WDR76: variants seen among roughly 807,000 people sequenced by gnomAD.
WDR76 encodes WD repeat-containing protein 76.
Under a neutral mutation model 70.2 loss-of-function variants are expected in WDR76, and 52 were observed. The ratio of observed to expected loss-of-function variants is 0.74; its 90% CI spans 0.59 to 0.93. The LOEUF (loss-of-function observed/expected upper bound fraction) is 0.93, where lower values mean the gene tolerates loss of function less well. Among genes scored for constraint, WDR76 ranks in the 40% least tolerant of loss-of-function variants. WDR76 has a pLI of 0.00. For missense variants in WDR76, 756 were observed against 760.2 expected, an observed-to-expected ratio of 0.99 and a Z score of 0.07; for synonymous variants, 292 against 271.1, an observed-to-expected ratio of 1.08 and a Z score of -0.76.
chr15:43,827,996 C>G lies in WDR76; in HGVS notation c.92C>G (p.Ala31Gly), dbSNP rs1271819977. 1 of 1,608,050 alleles carries G rather than the reference C, an allele frequency of 6.2e-7. No homozygotes were observed. Among genetic ancestry groups the G allele is most frequent in the East Asian group, 2.2e-5 (1 of 44,852 alleles). The change falls in exon 2 of 13, where the codon GCT becomes GGT. Residue 31 changes from alanine to glycine, a missense_variant. Coordinates refer to ENST00000263795, the MANE Select transcript of WDR76 (RefSeq NM_024908.4). ...GAATATAAAGAAAATCAAAACATCG[C>G]TTATGTGTCTCTGAGACCAGCACAG... ...VNEYKENQNIAYVSLRPAQTT... is the reference protein window; with the variant it reads ...VNEYKENQNIGYVSLRPAQTT...
chr15:43,828,788 ATAATAT>A (rs2087550079), intron 2 of WDR76, among the ~76,000 whole-genome samples: 1 of 152,200 alleles, frequency 6.6e-6, no homozygotes, highest in Non-Finnish European at 1.5e-5. Flanking sequence ...GTTGTGTTGA[ATAATAT>A]TTCCTTTAAA....
At chr15:43,862,263 A>AT (rs2088006959) in intron 12 of WDR76, among the ~76,000 whole-genome samples, 1 of 45,620 alleles carries the variant, frequency 2.2e-5, no homozygotes, top group Non-Finnish European at 5.5e-5. Flanking sequence ...ATTTTGTTCC[A>AT]TTTTATCAGT....
At chr15:43,835,969 T>C (rs2087650556) in intron 3 of WDR76, among the ~76,000 whole-genome samples, 192 bp from the exon 4 acceptor site, 1 of 151,962 alleles carries the variant, frequency 6.6e-6, no homozygotes, top group Non-Finnish European at 1.5e-5. Flanking sequence ...TCTTTTTTTT[T>C]TTTGAGACAG....
chr15:43,835,398 A>G (rs976230283), intron 3 of WDR76, among the ~76,000 whole-genome samples: 7 of 148,392 alleles, frequency 4.7e-5, no homozygotes, highest in African/African-American at 1.7e-4. Context: ...CTGAGGTGGA[A>G]GGATGGCTTG....
chr15:43,861,280 T>C, intron 11 of WDR76, 53 bp from the exon 12 acceptor site: 1 of 1,425,476 alleles, frequency 7.0e-7, no homozygotes, highest in Non-Finnish European at 9.9e-7. Flanking sequence ...CTGATATTTA[T>C]TTCAGAAAGT....
rs978740366 is a variant in WDR76 at position 43,849,292 on chromosome 15, T to A, written c.1033-1795T>A. 2.6e-4 allele frequency among the ~76,000 whole-genome samples: 39 copies of A among 152,204 alleles called. 1 individual carries two copies. The highest frequency in any genetic ancestry group is 1.3e-4 in the Non-Finnish European group (9 of 68,048). Reference sequence around the variant, plus strand: ...AAAGCATAATGACTACAATTGCTTTTTGTTTTATACTTTTGCCATTGTAGA... The same window carrying A: ...AAAGCATAATGACTACAATTGCTTTATGTTTTATACTTTTGCCATTGTAGA... On this transcript the variant is annotated intron_variant, in intron 8 of 12. Coordinates refer to ENST00000263795, the MANE Select transcript of WDR76 (RefSeq NM_024908.4).
chr15:43,866,622 CTTTTT>C lies in WDR76; in HGVS notation c.*247_*251del, dbSNP rs5812253. On this transcript the variant is annotated 3_prime_UTR_variant, in exon 13 of 13. Coordinates refer to ENST00000263795, the MANE Select transcript of WDR76 (RefSeq NM_024908.4). ...AGGGGAGGCTGAGGTGCCGTCAGGA[CTTTTT>C]TTTTTTTTTTTTTTTTGAGATGGAG... 527 of 124,150 alleles carry C rather than the reference CTTTTT, an allele frequency of 4.2e-3. No individual in the cohort carries two copies. Among genetic ancestry groups the C allele is most frequent in the East Asian group, 8.8e-3 (53 of 6,024 alleles). 7.7% of individuals were successfully genotyped at this position (124,150 alleles called of 1,614,324 possible).
chr15:43,830,256 C>G (rs187479430), intron 2 of WDR76, among the ~76,000 whole-genome samples: 21 of 152,002 alleles, frequency 1.4e-4, no homozygotes, highest in Admixed American at 1.4e-3. Context: ...TCCCTTTGGC[C>G]TCTTAGACTG....
At position 43,848,930 on chromosome 15, in the gene WDR76, C is replaced by CTT. The variant is rs534839516; in HGVS notation, c.1033-2140_1033-2139dup. Among the ~76,000 whole-genome samples the CTT allele has an allele frequency of 5.4e-3, 691 of 127,112 alleles. 7 individuals carry two copies. Among genetic ancestry groups the CTT allele is most frequent in the African/African-American group, 0.019 (651 of 34,312 alleles). 83.4% of individuals were successfully genotyped at this position (127,112 alleles called of 152,430 possible). Reference sequence around the variant, plus strand: ...TCCAGCCTGGGCGACAGAGTTGAGACTTTTTTTTTTTTTTTTTTGAGGCCA... The same window carrying CTT: ...TCCAGCCTGGGCGACAGAGTTGAGACTTTTTTTTTTTTTTTTTTTTGAGGCCA... On this transcript the variant is annotated intron_variant, in intron 8 of 12. Coordinates refer to ENST00000263795, the MANE Select transcript of WDR76 (RefSeq NM_024908.4).
chr15:43,847,836 C>T (rs1047336442), intron 8 of WDR76, among the ~76,000 whole-genome samples: 5 of 152,136 alleles, frequency 3.3e-5, no homozygotes, highest in Admixed American at 6.5e-5. Context: ...CGATTACAGG[C>T]GTGAGCCACT....
At chr15:43,840,361 A>G (rs2087709466) in intron 5 of WDR76, among the ~76,000 whole-genome samples, 1 of 152,100 alleles carries the variant, frequency 6.6e-6, no homozygotes, top group South Asian at 2.1e-4. Flanking sequence ...AACCTCAAAG[A>G]GCTACTGTAA....
chr15:43,857,936 T>C (rs2087949271), intron 10 of WDR76, among the ~76,000 whole-genome samples: 1 of 150,132 alleles, frequency 6.7e-6, no homozygotes, highest in South Asian at 2.1e-4. Flanking sequence ...TTGGGGAAAT[T>C]AATAAGAGTA....
intron 9 of WDR76, among the ~76,000 whole-genome samples, chr15:43,854,512 G>GT (rs1433386511): frequency 6.6e-6 from 1 of 152,184 alleles, no homozygotes; most frequent in Non-Finnish European, 1.5e-5. Flanking sequence ...TGAGGCTCCA[G>GT]TAAGCCGAGA....
In WDR76 at chr15:43,866,268, C is replaced by G. The variant is rs781465373; in HGVS notation, c.1757C>G (p.Ser586Trp). 1 of 1,614,052 alleles carries G rather than the reference C, an allele frequency of 6.2e-7. No individual in the cohort carries two copies. Among genetic ancestry groups the G allele is most frequent in the East Asian group, 2.2e-5 (1 of 44,872 alleles). The change falls in exon 13 of 13, where the codon TCG becomes TGG. Residue 586 changes from serine to tryptophan, a missense_variant. By Grantham distance (177) the Ser-to-Trp change is radical (BLOSUM62 -3). Transcript: ENST00000263795. ...CATGAGACAGGAAAGAGGGTGCATT[C>G]GTTTGGTGGAGAATACCTTGTCTCT... Reference protein sequence around the residue: ...IFHETGKRVHSFGGEYLVSVC... With the variant: ...IFHETGKRVHWFGGEYLVSVC...
At chr15:43,861,505 AATT>A in intron 12 of WDR76, 119 bp downstream of exon 12, 2 of 1,018,352 alleles carry the variant, frequency 2.0e-6, no homozygotes, top group African/African-American at 1.6e-5. Context: ...TGAATACAAA[AATT>A]ATAAGTGTCC....
chr15:43,851,824 A>T (rs1440661183), intron 9 of WDR76, among the ~76,000 whole-genome samples: 1 of 152,210 alleles, frequency 6.6e-6, no homozygotes, highest in South Asian at 2.1e-4. Flanking sequence ...AGTCTCAGCT[A>T]CTCAGGAGGC....
At position 43,860,080 on chromosome 15, in the gene WDR76, G is replaced by T. The variant is rs187081277; in HGVS notation, c.1563-1253G>T. Among the ~76,000 whole-genome samples the T allele has an allele frequency of 9.9e-5, 15 of 152,196 alleles. No homozygotes were observed. The East Asian group carries it at 2.3e-3, about 24-fold the overall frequency. On this transcript the variant is annotated intron_variant, in intron 11 of 12. Coordinates refer to ENST00000263795, the MANE Select transcript of WDR76 (RefSeq NM_024908.4). ...AGCCTGGGCACCAAGGAGAGACCCT[G>T]TCTCTACAGAAAAAATTAGCCAGAT...
intron 5 of WDR76, among the ~76,000 whole-genome samples, chr15:43,840,971 CCA>C (rs903049704): frequency 6.6e-6 from 1 of 151,240 alleles, no homozygotes; most frequent in African/African-American, 2.4e-5. Flanking sequence ...GCAACTGAAA[CCA>C]CAGTTTGTCA....
intron 8 of WDR76, among the ~76,000 whole-genome samples, chr15:43,847,007 A>AGC (rs1376007866): frequency 7.3e-6 from 1 of 137,844 alleles, no homozygotes; most frequent in Non-Finnish European, 1.5e-5. Flanking sequence ...GGGAAACAAG[A>AGC]GCAAAACACC....
Sources: gnomAD v4.1 joint callset for allele counts (sites outside exome capture counted in the v4.1 genomes callset) on GRCh38, gnomAD v4.1.1 for gene constraint, MANE v1.5 for transcripts, NCBI Gene and HGNC (gene_info 2026-07-23, HGNC 2026-07-21) for gene names.